Variants in TLL1 observed in about 807,000 individuals in gnomAD.
The protein encoded by TLL1 is tolloid like 1, also known as tolloid-like protein 1.
In TLL1, 49 loss-of-function variants were observed where a neutral mutation model predicts 128.2. The ratio of observed to expected loss-of-function variants is 0.38; its 90% CI spans 0.30 to 0.48. The LOEUF (loss-of-function observed/expected upper bound fraction) is 0.48, where lower values mean the gene tolerates loss of function less well. TLL1 is among the 20% of genes least tolerant of loss of function. The pLI is 0.96. For synonymous variants in TLL1, 454 were observed against 418.8 expected, an observed-to-expected ratio of 1.08 and a Z score of -1.03; for missense variants, 1,123 against 1,242.0, an observed-to-expected ratio of 0.90 and a Z score of 1.44.
intron 1 of TLL1, among the ~76,000 whole-genome samples, chr4:165,931,491 G>A (rs1365412710): frequency 6.6e-6 from 1 of 151,780 alleles, no homozygotes; most frequent in Non-Finnish European, 1.5e-5. Flanking sequence ...GGCCAAGGCG[G>A]GCGGATCACG....
Position 165,920,114 on chromosome 4 carries a change from G to A in TLL1, c.169+46041G>A, listed in dbSNP as rs148477317. Reference sequence around the variant, plus strand: ...GTTTCTCAAGTAATAAATGCCATGCGTCTCCTGTGAAAATCATCATTTCCC... The same window carrying A: ...GTTTCTCAAGTAATAAATGCCATGCATCTCCTGTGAAAATCATCATTTCCC... On this transcript the variant is annotated intron_variant, in intron 1 of 20. Transcript: ENST00000061240. 6.0e-3 allele frequency among the ~76,000 whole-genome samples: 910 copies of A among 152,222 alleles called. 14 individuals are homozygous for A. The highest frequency in any genetic ancestry group is 0.021 in the African/African-American group (870 of 41,524).
At chr4:165,991,776 G>A (rs892938734) in intron 2 of TLL1, among the ~76,000 whole-genome samples, 4 of 151,898 alleles carry the variant, frequency 2.6e-5, no homozygotes, top group Non-Finnish European at 5.9e-5. Context: ...AGTTGTCGTC[G>A]TGGAATTATA....
At chr4:166,016,344 A>G (rs1737944265) in intron 8 of TLL1, among the ~76,000 whole-genome samples, 1 of 152,118 alleles carries the variant, frequency 6.6e-6, no homozygotes, top group Non-Finnish European at 1.5e-5. Flanking sequence ...CAGCAACTAA[A>G]TAAGTGAACA....
intron 16 of TLL1, among the ~76,000 whole-genome samples, chr4:166,067,701 G>A (rs1740630760): frequency 6.6e-6 from 1 of 151,652 alleles, no homozygotes; most frequent in Admixed American, 6.6e-5. Context: ...CAATTAACAT[G>A]ACAATAGTTT....
chr4:166,000,299 A>G (rs74848201), intron 5 of TLL1, among the ~76,000 whole-genome samples: 4,247 of 152,342 alleles, frequency 0.028, 133 homozygotes, highest in East Asian at 0.15. Context: ...GTCTAAGCAT[A>G]TATGTAGTTA....
chr4:166,014,794 AT>A (rs1424115379), intron 8 of TLL1, among the ~76,000 whole-genome samples: 1 of 151,972 alleles, frequency 6.6e-6, no homozygotes, highest in Non-Finnish European at 1.5e-5. Context: ...AGTATATTTT[AT>A]TTCTTTTAAT....
At chr4:165,902,537 G>A (rs1032715028) in intron 1 of TLL1, among the ~76,000 whole-genome samples, 17 of 152,216 alleles carry the variant, frequency 1.1e-4, no homozygotes, top group Admixed American at 1.3e-4. Flanking sequence ...AGGGGAGGGA[G>A]TTCCCTGACT....
chr4:165,886,930 G>A (rs1033074997), intron 1 of TLL1, among the ~76,000 whole-genome samples: 2 of 152,074 alleles, frequency 1.3e-5, no homozygotes, highest in Non-Finnish European at 2.9e-5. Context: ...TCTTCCTGGA[G>A]AAAAGATGGG....
intron 19 of TLL1, among the ~76,000 whole-genome samples, chr4:166,097,278 G>A (rs1270437314): frequency 1.3e-5 from 2 of 152,128 alleles, no homozygotes; most frequent in African/African-American, 4.8e-5. Context: ...AAGGGAAGGT[G>A]CTTGGCTTCC....
chr4:165,998,677 G>T (rs1165990185), intron 5 of TLL1, among the ~76,000 whole-genome samples: 1 of 151,656 alleles, frequency 6.6e-6, no homozygotes, highest in Non-Finnish European at 1.5e-5. Context: ...GGTGCTTGTA[G>T]TCCCAGCTAC....
chr4:165,930,673 T>C (rs780212086), intron 1 of TLL1, among the ~76,000 whole-genome samples: 5 of 152,200 alleles, frequency 3.3e-5, no homozygotes, highest in Non-Finnish European at 1.5e-5. Context: ...AATGAATTTC[T>C]GCAATTGAGA....
chr4:166,092,754 T>G (rs1741831581), intron 19 of TLL1, among the ~76,000 whole-genome samples: 1 of 152,270 alleles, frequency 6.6e-6, no homozygotes, highest in African/African-American at 2.4e-5. Context: ...TATAAAAACT[T>G]ACTTTTATAC....
intron 1 of TLL1, among the ~76,000 whole-genome samples, chr4:165,981,038 T>C (rs1225897440): frequency 6.6e-6 from 1 of 152,074 alleles, no homozygotes; most frequent in Non-Finnish European, 1.5e-5. Context: ...TTAGGCCCAA[T>C]TGGTGAACTA....
intron 1 of TLL1, among the ~76,000 whole-genome samples, chr4:165,914,238 C>T (rs149550981): frequency 6.6e-5 from 10 of 152,204 alleles, no homozygotes; most frequent in East Asian, 1.9e-4. Flanking sequence ...ATTTATCCAT[C>T]GCTACCCCAG....
At chr4:165,896,454 G>A (rs964967441) in intron 1 of TLL1, among the ~76,000 whole-genome samples, 2 of 150,488 alleles carry the variant, frequency 1.3e-5, no homozygotes, top group South Asian at 4.2e-4. Flanking sequence ...ACCCAGTAAC[G>A]AGATTGCTGG....
chr4:165,946,235 G>A (rs1242237949), intron 1 of TLL1, among the ~76,000 whole-genome samples: 1 of 152,110 alleles, frequency 6.6e-6, no homozygotes, highest in Non-Finnish European at 1.5e-5. Context: ...CAGCTCTGCT[G>A]ACACCTCAAG....
chr4:165,958,702 G>T, intron 1 of TLL1, among the ~76,000 whole-genome samples: 1 of 141,326 alleles, frequency 7.1e-6, no homozygotes, highest in Admixed American at 7.0e-5. Context: ...CTGTGCAGAA[G>T]CTCTTTAGTT....
chr4:166,039,464 T>G, intron 10 of TLL1, 23 bp downstream of exon 10: 1 of 1,550,970 alleles, frequency 6.4e-7, no homozygotes, highest in Non-Finnish European at 8.9e-7. Flanking sequence ...TTCCCTTTTA[T>G]GTGGCTATGT....
chr4:166,047,698 A>G (rs934786616), intron 12 of TLL1, among the ~76,000 whole-genome samples: 16 of 152,090 alleles, frequency 1.1e-4, no homozygotes, highest in African/African-American at 3.4e-4. Context: ...AATAAAGTTT[A>G]TGTGTCTTTG....
Sources: gnomAD v4.1 joint callset for allele counts (sites outside exome capture counted in the v4.1 genomes callset) on GRCh38, gnomAD v4.1.1 for gene constraint, MANE v1.5 for transcripts, NCBI Gene and HGNC (gene_info 2026-07-23, HGNC 2026-07-21) for gene names.